Variants in RAB11FIP4 observed in about 807,000 individuals in gnomAD.
The protein encoded by RAB11FIP4 is RAB11 family interacting protein 4.
Under a neutral mutation model 74.3 loss-of-function variants are expected in RAB11FIP4, and 23 were observed. The observed-to-expected ratio is 0.31, with a 90% CI of 0.22 to 0.44. The LOEUF is 0.44. Among genes scored for constraint, RAB11FIP4 ranks in the 20% least tolerant of loss-of-function variants. The pLI, the probability that RAB11FIP4 is intolerant of heterozygous loss-of-function variation, is 1.00. For synonymous variants in RAB11FIP4, 360 were observed against 359.9 expected (o/e 1.00, Z 0.00); for missense variants, 630 against 863.9 (o/e 0.73, Z 3.39).
chr17:31,513,664 G>A (rs946620325), intron 3 of RAB11FIP4, among the ~76,000 whole-genome samples: 1 of 152,234 alleles, frequency 6.6e-6, no homozygotes, highest in African/African-American at 2.4e-5. Context: ...AATTTAGGGG[G>A]CAAACTACTA....
chr17:31,511,787 G>C (rs909204863), intron 3 of RAB11FIP4, among the ~76,000 whole-genome samples: 1 of 152,236 alleles, frequency 6.6e-6, no homozygotes, highest in Non-Finnish European at 1.5e-5. Context: ...CGGCCCCCAC[G>C]TGTATTGATA....
intron 1 of RAB11FIP4, among the ~76,000 whole-genome samples, chr17:31,409,048 C>A (rs780174673): frequency 2.0e-5 from 3 of 152,174 alleles, no homozygotes; most frequent in Non-Finnish European, 2.9e-5. Context: ...AGAGTTGATC[C>A]GGGCAGCCAG....
rs1349444951 is a variant in RAB11FIP4, at chr17:31,535,598, CTGT to C, written c.*3872_*3874del. On this transcript the variant is annotated 3_prime_UTR_variant, in exon 15 of 15. Coordinates refer to ENST00000621161, the MANE Select transcript of RAB11FIP4 (RefSeq NM_032932.6). ...TCTCTTGCTGGGAGGGTTCCTTTTCCTGTTGTTGAATGGTCCTGGCCTGCAGGA... is the reference window on the plus strand; with the variant it reads ...TCTCTTGCTGGGAGGGTTCCTTTTCCTGTTGAATGGTCCTGGCCTGCAGGA... The C allele has an allele frequency of 6.6e-6, 1 of 152,262 alleles. No individual in the cohort carries two copies. Among genetic ancestry groups the C allele is most frequent in the African/African-American group, 2.4e-5 (1 of 41,448 alleles). The allele number at this position is 152,262 out of a possible 1,614,324, so 9.4% of individuals were successfully genotyped here. A position where few individuals can be genotyped will look rare whatever the true frequency, so the allele number is the denominator to read the frequency against.
intron 2 of RAB11FIP4, 82 bp downstream of exon 2, chr17:31,431,982 T>A: frequency 9.2e-7 from 1 of 1,085,320 alleles, no homozygotes; most frequent in Non-Finnish European, 1.4e-6. Context: ...GGGCCCAGCC[T>A]GGATTCCTCC....
intron 3 of RAB11FIP4, among the ~76,000 whole-genome samples, chr17:31,489,197 C>A (rs1206595478): frequency 6.6e-6 from 1 of 152,160 alleles, no homozygotes; most frequent in African/African-American, 2.4e-5. Context: ...GGTGATCCAC[C>A]AAACTTCTGC....
intron 1 of RAB11FIP4, among the ~76,000 whole-genome samples, chr17:31,395,053 A>G (rs1310821747): frequency 6.6e-6 from 1 of 152,056 alleles, no homozygotes; most frequent in Non-Finnish European, 1.5e-5. Context: ...GGGATGGATA[A>G]TGATCATTCA....
In RAB11FIP4 at chr17:31,489,859, G is replaced by A. The variant is rs375931780; in HGVS notation, c.337-27792G>A. Among the ~76,000 whole-genome samples the A allele has an allele frequency of 2.6e-5, 4 of 152,226 alleles. No individual in the cohort carries two copies. The South Asian group carries it at 8.3e-4, about 32-fold the overall frequency. ...AGGGGGGGCCTGGACTTAGGCGAAG[G>A]GGGTGGAGTAAATGACTAAGGCCAG... On this transcript the variant is annotated intron_variant, in intron 3 of 14. Transcript: ENST00000621161.
chr17:31,511,899 G>T (rs919356765), intron 3 of RAB11FIP4, among the ~76,000 whole-genome samples: 7 of 152,356 alleles, frequency 4.6e-5, no homozygotes, highest in South Asian at 2.1e-4. Context: ...CTCAAGACTG[G>T]AGAGGGCCCC....
chr17:31,459,941 G>A (rs2071619258), intron 3 of RAB11FIP4, among the ~76,000 whole-genome samples: 1 of 152,184 alleles, frequency 6.6e-6, no homozygotes, highest in African/African-American at 2.4e-5. Context: ...AGTACACAGA[G>A]TGCTCTGGAA....
At chr17:31,437,043 G>A (rs1439732770) in intron 3 of RAB11FIP4, among the ~76,000 whole-genome samples, 1 of 152,014 alleles carries the variant, frequency 6.6e-6, no homozygotes, top group South Asian at 2.1e-4. Flanking sequence ...ACCCGCCTCG[G>A]CCTCCCAATG....
At chr17:31,443,130 C>T (rs1201797905) in intron 3 of RAB11FIP4, among the ~76,000 whole-genome samples, 9 of 152,094 alleles carry the variant, frequency 5.9e-5, no homozygotes, top group Admixed American at 5.9e-4. Flanking sequence ...AATTAGAACC[C>T]CTCTTTTGAA....
At position 31,531,626 on chromosome 17, in the gene RAB11FIP4, C is replaced by G. The variant is rs184017093; in HGVS notation, c.1808C>G (p.Ala603Gly). Reference protein sequence around the residue: ...DTASRDELMEALKEQEEINFR... With the variant: ...DTASRDELMEGLKEQEEINFR... ...TCCCATTTCCTTCAGCTAATGGAAG[C>G]CCTGAAGGAGCAGGAGGAGATCAAC... The change falls in exon 15 of 15, where the codon GCC (alanine) becomes GGC (glycine). Residue 603 changes from alanine to glycine, a missense_variant. Physicochemically the swap from Ala to Gly is moderately conservative, Grantham distance 60. Coordinates refer to ENST00000621161, the MANE Select transcript of RAB11FIP4 (RefSeq NM_032932.6). 6.2e-7 allele frequency: 1 copy of G among 1,611,280 alleles called. No homozygotes were observed. Among genetic ancestry groups the G allele is most frequent in the Non-Finnish European group, 8.5e-7 (1 of 1,177,418 alleles).
intron 14 of RAB11FIP4, among the ~76,000 whole-genome samples, chr17:31,531,350 C>T (rs986477021): frequency 7.2e-5 from 11 of 152,174 alleles, no homozygotes; most frequent in African/African-American, 2.7e-4. Flanking sequence ...AAAAATTACC[C>T]ACACCTGGGC....
chr17:31,520,364 G>T (rs968033912), intron 4 of RAB11FIP4, among the ~76,000 whole-genome samples: 2 of 151,944 alleles, frequency 1.3e-5, no homozygotes, highest in African/African-American at 4.8e-5. Flanking sequence ...TAAAATTTTA[G>T]ATCCATTTAT....
At chr17:31,491,306 G>A (rs996516119) in intron 3 of RAB11FIP4, among the ~76,000 whole-genome samples, 6 of 152,334 alleles carry the variant, frequency 3.9e-5, no homozygotes, top group Admixed American at 1.3e-4. Context: ...CAGATTCTTC[G>A]TTGCCTACTT....
chr17:31,506,719 C>CT (rs2072357028), intron 3 of RAB11FIP4, among the ~76,000 whole-genome samples: 2 of 152,124 alleles, frequency 1.3e-5, no homozygotes, highest in South Asian at 2.1e-4. Context: ...GGATTTTATT[C>CT]TTTTTTATGG....
intron 1 of RAB11FIP4, among the ~76,000 whole-genome samples, chr17:31,402,842 G>A (rs1020735986): frequency 4.0e-5 from 6 of 151,732 alleles, no homozygotes; most frequent in Admixed American, 1.3e-4. Context: ...AGCCAGGATG[G>A]TCTCGATCTC....
intron 3 of RAB11FIP4, among the ~76,000 whole-genome samples, chr17:31,438,169 C>T (rs2071377254): frequency 6.6e-6 from 1 of 152,086 alleles, no homozygotes; most frequent in Non-Finnish European, 1.5e-5. Context: ...TGCCCATCAG[C>T]CCCCAGTCCA....
chr17:31,527,836 C>T lies in RAB11FIP4; in HGVS notation c.1275-6C>T, dbSNP rs756349264. 1.2e-5 allele frequency: 19 copies of T among 1,600,328 alleles called. No homozygotes were observed. Among genetic ancestry groups the T allele is most frequent in the East Asian group, 6.7e-5 (3 of 44,650 alleles). On this transcript the variant is annotated splice_region_variant and splice_polypyrimidine_tract_variant and intron_variant, in intron 10 of 14. Coordinates refer to ENST00000621161, the MANE Select transcript of RAB11FIP4 (RefSeq NM_032932.6). The stretch of plus-strand genomic sequence containing the variant: ...TTTCTGAGATTTGTCTTTCTCCTTT[C>T]GCCAGGGTGCAGCAGTTGGAGGAAG...
Sources: gnomAD v4.1 joint callset for allele counts (sites outside exome capture counted in the v4.1 genomes callset) on GRCh38, gnomAD v4.1.1 for gene constraint, MANE v1.5 for transcripts, NCBI Gene and HGNC (gene_info 2026-07-23, HGNC 2026-07-21) for gene names.